Variants in ZNRF1 observed in about 807,000 individuals in gnomAD.
The protein encoded by ZNRF1 is zinc and ring finger 1, also known as E3 ubiquitin-protein ligase ZNRF1.
In ZNRF1, 3 loss-of-function variants were observed where a neutral mutation model predicts 18.4. The observed-to-expected ratio is 0.16, with a 90% CI of 0.07 to 0.42. ZNRF1 has a LOEUF of 0.42. ZNRF1 is among the 10% of genes least tolerant of loss of function. The pLI is 0.99. For missense variants in ZNRF1, 310 were observed against 329.8 expected, an observed-to-expected ratio of 0.94 and a Z score of 0.47; for synonymous variants, 157 against 144.2, an observed-to-expected ratio of 1.09 and a Z score of -0.64.
Position 75,099,040 on chromosome 16 carries a change from C to T in ZNRF1, c.520+5373C>T, listed in dbSNP as rs377227256. ...CCTTGGGTCCTCTGCACACACTTCACAGAAAGGGGGAGATGCAAAGTGCCT... is the reference window on the plus strand; with the variant it reads ...CCTTGGGTCCTCTGCACACACTTCATAGAAAGGGGGAGATGCAAAGTGCCT... On this transcript the variant is annotated intron_variant, in intron 2 of 4. Coordinates refer to ENST00000335325, the MANE Select transcript of ZNRF1 (RefSeq NM_032268.5). Among the ~76,000 whole-genome samples, 20 of 152,316 alleles carry T rather than the reference C, an allele frequency of 1.3e-4. 2 individuals carry two copies. The highest frequency in any genetic ancestry group is 1.0e-3 in the South Asian group (5 of 4,828).
intron 1 of ZNRF1, among the ~76,000 whole-genome samples, chr16:75,082,475 T>G (rs143249399): frequency 6.6e-6 from 1 of 152,366 alleles, no homozygotes; most frequent in Non-Finnish European, 1.5e-5. Context: ...CTCACCTCCA[T>G]GCACACAGTG....
At chr16:75,106,758 C>A in intron 4 of ZNRF1, 187 bp downstream of exon 4, 1 of 569,216 alleles carries the variant, frequency 1.8e-6, no homozygotes, top group Non-Finnish European at 3.2e-6. Context: ...ACAAGAGATA[C>A]AAACCAACAT....
At chr16:75,020,053 G>GTT (rs35520846) in intron 1 of ZNRF1, among the ~76,000 whole-genome samples, 2 of 151,338 alleles carry the variant, frequency 1.3e-5, no homozygotes, top group African/African-American at 4.8e-5. Flanking sequence ...CTATGTTAAA[G>GTT]TTTTTTTTTA....
rs188422732 is a variant in ZNRF1 at position 75,048,587 on chromosome 16, C to T, written c.425-44985C>T. Reference sequence around the variant, plus strand: ...TTGATGTGGGTTTCTAGATACCTTTCACTGAGTTGAAGAAATTCCCTTTTG... The same window carrying T: ...TTGATGTGGGTTTCTAGATACCTTTTACTGAGTTGAAGAAATTCCCTTTTG... On this transcript the variant is annotated intron_variant, in intron 1 of 4. Coordinates refer to ENST00000335325, the MANE Select transcript of ZNRF1 (RefSeq NM_032268.5). 9.2e-5 allele frequency among the ~76,000 whole-genome samples: 14 copies of T among 152,288 alleles called. No individual in the cohort carries two copies. In the East Asian group the frequency reaches 2.7e-3, roughly 29 times the overall value.
intron 1 of ZNRF1, among the ~76,000 whole-genome samples, chr16:75,078,296 CTTT>C (rs36075131): frequency 8.8e-6 from 1 of 113,128 alleles, no homozygotes; most frequent in African/African-American, 3.7e-5. Flanking sequence ...TCTTTCTTTC[CTTT>C]TTTTTTTTTT....
At chr16:75,094,063 C>T (rs944709090) in intron 2 of ZNRF1, among the ~76,000 whole-genome samples, 1 of 152,158 alleles carries the variant, frequency 6.6e-6, no homozygotes, top group South Asian at 2.1e-4. Context: ...AGCAAGCACC[C>T]GCCCTCCTTG....
rs1597880591 is a variant in ZNRF1 at position 75,050,315 on chromosome 16, C to T, written c.425-43257C>T. Among the ~76,000 whole-genome samples the T allele has an allele frequency of 3.3e-5, 5 of 152,160 alleles. No individual in the cohort carries two copies. The Middle Eastern group carries it at 0.017, about 518-fold the overall frequency. ...TCGAGGCGGGAGGATTGCTTGACCC[C>T]AGGAATTCGAGACCATACTGGGCAA... On this transcript the variant is annotated intron_variant, in intron 1 of 4. Transcript: ENST00000335325.
At chr16:75,037,794 TCTCACTAACCA>T (rs1188648876) in intron 1 of ZNRF1, among the ~76,000 whole-genome samples, 2 of 152,182 alleles carry the variant, frequency 1.3e-5, no homozygotes, top group Non-Finnish European at 2.9e-5. Context: ...GCTGAAAACA[TCTCACTAACCA>T]CTGATTTTAG....
At chr16:75,083,579 A>G (rs148473787) in intron 1 of ZNRF1, among the ~76,000 whole-genome samples, 52 of 152,340 alleles carry the variant, frequency 3.4e-4, no homozygotes, top group Middle Eastern at 3.4e-3. Flanking sequence ...TAGGCACAGT[A>G]TTATTAGATT....
At chr16:75,050,962 G>A (rs1460395899) in intron 1 of ZNRF1, among the ~76,000 whole-genome samples, 2 of 150,206 alleles carry the variant, frequency 1.3e-5, no homozygotes, top group African/African-American at 2.4e-5. Context: ...GGAGGCTGAA[G>A]CAGGAGGATG....
chr16:75,053,305 A>G (rs1350551298), intron 1 of ZNRF1, among the ~76,000 whole-genome samples: 2 of 152,106 alleles, frequency 1.3e-5, no homozygotes, highest in African/African-American at 4.8e-5. Context: ...AAAATCGCCA[A>G]TGGCTGGGTG....
At chr16:75,027,804 A>G (rs943698893) in intron 1 of ZNRF1, among the ~76,000 whole-genome samples, 7 of 152,154 alleles carry the variant, frequency 4.6e-5, no homozygotes, top group Admixed American at 2.6e-4. Context: ...CTCTTAATTC[A>G]TGATTACTAA....
chr16:75,002,018 T>C (rs1422496714), intron 1 of ZNRF1, among the ~76,000 whole-genome samples: 1 of 152,156 alleles, frequency 6.6e-6, no homozygotes, highest in Non-Finnish European at 1.5e-5. Flanking sequence ...AGGTAATCCA[T>C]TCCTTACTGT....
chr16:75,056,672 G>A (rs1478691888), intron 1 of ZNRF1, among the ~76,000 whole-genome samples: 6 of 151,800 alleles, frequency 4.0e-5, no homozygotes, highest in Non-Finnish European at 8.8e-5. Context: ...TGTCACCCAG[G>A]CTGGAGTGCA....
At chr16:75,075,941 G>A (rs936298249) in intron 1 of ZNRF1, among the ~76,000 whole-genome samples, 4 of 152,238 alleles carry the variant, frequency 2.6e-5, no homozygotes, top group Non-Finnish European at 4.4e-5. Context: ...TGCAGGTGTA[G>A]GTGGGATTGA....
At chr16:75,038,604 C>T (rs1438947390) in intron 1 of ZNRF1, among the ~76,000 whole-genome samples, 1 of 152,222 alleles carries the variant, frequency 6.6e-6, no homozygotes, top group Non-Finnish European at 1.5e-5. Flanking sequence ...TTGCAACTAT[C>T]TTTAGAAACA....
intron 1 of ZNRF1, among the ~76,000 whole-genome samples, chr16:75,060,346 C>T (rs1002372975): frequency 2.6e-5 from 4 of 152,042 alleles, no homozygotes; most frequent in South Asian, 2.1e-4. Context: ...CCATTGCACC[C>T]GGCCGACAGT....
At chr16:75,050,903 A>AC (rs2035591144) in intron 1 of ZNRF1, among the ~76,000 whole-genome samples, 23 of 132,560 alleles carry the variant, frequency 1.7e-4, no homozygotes, top group African/African-American at 5.2e-4. Flanking sequence ...AAAAAACAAA[A>AC]AACTTGTAGC....
rs1183697461 is a variant in ZNRF1 at position 75,050,323 on chromosome 16, CG to C, written c.425-43248del. Among the ~76,000 whole-genome samples, 5 of 151,842 alleles carry C rather than the reference CG, an allele frequency of 3.3e-5. 1 individual carries two copies. The highest frequency in any genetic ancestry group is 1.2e-4 in the African/African-American group (5 of 41,346). ...GGAGGATTGCTTGACCCCAGGAATT[CG>C]AGACCATACTGGGCAACATGGCAAA... On this transcript the variant is annotated intron_variant, in intron 1 of 4. Transcript: ENST00000335325.
Sources: allele counts gnomAD v4.1 joint callset (sites outside exome capture counted in the v4.1 genomes callset), GRCh38; gene constraint gnomAD v4.1.1; transcripts MANE v1.5; gene names NCBI Gene and HGNC (gene_info 2026-07-23, HGNC 2026-07-21).